The following FHOD3 variants were observed in gnomAD, a reference collection of about 807,000 sequenced individuals.
FHOD3 encodes the protein FH1/FH2 domain-containing protein 3.
A neutral mutation model predicts 173.0 loss-of-function variants in FHOD3; 90 were observed. That is an observed-to-expected ratio of 0.52 (90% CI 0.44 to 0.62). The LOEUF (loss-of-function observed/expected upper bound fraction) is 0.62. FHOD3 is among the 20% of genes least tolerant of loss of function. FHOD3 has a pLI of 0.00. For missense variants in FHOD3, 1,945 were observed against 2,034.7 expected (o/e 0.96, Z 0.85); for synonymous variants, 828 against 823.0 (o/e 1.01, Z -0.10).
chr18:36,346,236 C>A (rs1299673034), intron 1 of FHOD3, among the ~76,000 whole-genome samples: 1 of 152,108 alleles, frequency 6.6e-6, no homozygotes, highest in Non-Finnish European at 1.5e-5. Flanking sequence ...CGTGGTAACG[C>A]ACACCTGCAG....
chr18:36,358,761 C>T (rs887529264), intron 2 of FHOD3, among the ~76,000 whole-genome samples: 1 of 152,088 alleles, frequency 6.6e-6, no homozygotes, highest in Non-Finnish European at 1.5e-5. Flanking sequence ...CTATAGCCTC[C>T]ATCTCTCAGG....
chr18:36,461,581 C>T (rs1427476685), intron 3 of FHOD3, among the ~76,000 whole-genome samples: 3 of 152,040 alleles, frequency 2.0e-5, no homozygotes, highest in African/African-American at 7.2e-5. Flanking sequence ...CTTCAAGAAT[C>T]TCAGAGGGTT....
At chr18:36,482,854 C>CAGAGAAAG (rs1405818047) in intron 3 of FHOD3, among the ~76,000 whole-genome samples, 1 of 97,910 alleles carries the variant, frequency 1.0e-5, no homozygotes, top group African/African-American at 4.1e-5. Context: ...CACTCACACA[C>CAGAGAAAG]ACACAGAGAG....
At chr18:36,304,270 G>T (rs1385362339) in intron 1 of FHOD3, among the ~76,000 whole-genome samples, 3 of 152,138 alleles carry the variant, frequency 2.0e-5, no homozygotes, top group African/African-American at 7.2e-5. Context: ...GAAATTATAT[G>T]ATGTCTAGAA....
intron 5 of FHOD3, among the ~76,000 whole-genome samples, chr18:36,556,879 C>T (rs1039287707): frequency 6.6e-6 from 1 of 152,082 alleles, no homozygotes; most frequent in Non-Finnish European, 1.5e-5. Flanking sequence ...AATTATTTTA[C>T]CTTTGTGTAT....
intron 18 of FHOD3, chr18:36,710,481 G>A (rs1366470245): frequency 1.3e-5 from 2 of 152,176 alleles, no homozygotes; most frequent in African/African-American, 2.4e-5. Flanking sequence ...ATGGATGAAC[G>A]AATGAATGAA....
At chr18:36,736,189 C>T (rs1409110147) in intron 20 of FHOD3, among the ~76,000 whole-genome samples, 1 of 152,236 alleles carries the variant, frequency 6.6e-6, no homozygotes, top group Non-Finnish European at 1.5e-5. Context: ...AGGAGCAAAA[C>T]TCCGTGTGGG....
chr18:36,716,914 ATGTGTGTGTG>A (rs57041859), intron 18 of FHOD3, among the ~76,000 whole-genome samples: 2,450 of 136,906 alleles, frequency 0.018, 62 homozygotes, highest in African/African-American at 0.062. Flanking sequence ...ATATATGTGT[ATGTGTGTGTG>A]TGTGTGTGTG....
At chr18:36,352,359 A>T (rs563649594) in intron 1 of FHOD3, among the ~76,000 whole-genome samples, 1 of 152,360 alleles carries the variant, frequency 6.6e-6, no homozygotes, top group East Asian at 1.9e-4. Flanking sequence ...AGACATTCAC[A>T]GTGTGTCACT....
chr18:36,364,398 G>A (rs1311134923), intron 2 of FHOD3, among the ~76,000 whole-genome samples: 1 of 152,132 alleles, frequency 6.6e-6, no homozygotes, highest in East Asian at 1.9e-4. Context: ...CGAAGGGAGT[G>A]CACGCCCATT....
At chr18:36,743,414 G>A (rs2042005249) in intron 22 of FHOD3, among the ~76,000 whole-genome samples, 1 of 149,528 alleles carries the variant, frequency 6.7e-6, no homozygotes, top group African/African-American at 2.4e-5. Flanking sequence ...GATTCTTTAT[G>A]AAGTGTAACT....
chr18:36,634,427 A>G (rs2034732690), intron 10 of FHOD3, among the ~76,000 whole-genome samples: 2 of 152,200 alleles, frequency 1.3e-5, no homozygotes, highest in Non-Finnish European at 2.9e-5. Context: ...CTTGTCCACA[A>G]AACTTCATTG....
intron 3 of FHOD3, among the ~76,000 whole-genome samples, chr18:36,419,497 CAT>C (rs1440671979): frequency 6.6e-6 from 1 of 152,158 alleles, no homozygotes; most frequent in African/African-American, 2.4e-5. Flanking sequence ...ATGCTTCACA[CAT>C]GTTTTCATGA....
chr18:36,439,225 A>T (rs1359602247), intron 3 of FHOD3, among the ~76,000 whole-genome samples: 5 of 152,076 alleles, frequency 3.3e-5, no homozygotes, highest in African/African-American at 1.2e-4. Context: ...TCTATCCCCA[A>T]CCCTATGGTT....
intron 3 of FHOD3, among the ~76,000 whole-genome samples, chr18:36,448,647 A>AATGGGG (rs1462587668): frequency 1.3e-5 from 2 of 152,028 alleles, no homozygotes; most frequent in African/African-American, 4.8e-5. Flanking sequence ...TGGGGCCCAG[A>AATGGGG]ATGGGGGACA....
intron 3 of FHOD3, among the ~76,000 whole-genome samples, chr18:36,423,746 T>TAA (rs1275395342): frequency 6.6e-6 from 1 of 152,208 alleles, no homozygotes; most frequent in Non-Finnish European, 1.5e-5. Context: ...ATGCAACTGA[T>TAA]ACGTGGGTTT....
chr18:36,301,805 T>C (rs534603993), intron 1 of FHOD3, among the ~76,000 whole-genome samples: 1 of 152,376 alleles, frequency 6.6e-6, no homozygotes, highest in East Asian at 1.9e-4. Flanking sequence ...ACTGGAACTG[T>C]AGAATATTTT....
intron 16 of FHOD3, among the ~76,000 whole-genome samples, chr18:36,690,602 C>T (rs879673355): frequency 3.9e-5 from 6 of 152,152 alleles, no homozygotes; most frequent in Non-Finnish European, 8.8e-5. Flanking sequence ...ACCGTAAATG[C>T]CTGTGGCATG....
intron 3 of FHOD3, among the ~76,000 whole-genome samples, chr18:36,405,687 C>T (rs1427279485): frequency 6.6e-6 from 1 of 152,154 alleles, no homozygotes; most frequent in Non-Finnish European, 1.5e-5. Flanking sequence ...ATTTATGCTT[C>T]GTAAGTTTCC....
Sources: allele counts gnomAD v4.1 joint callset (sites outside exome capture counted in the v4.1 genomes callset), GRCh38; gene constraint gnomAD v4.1.1; transcripts MANE v1.5; gene names NCBI Gene and HGNC (gene_info 2026-07-23, HGNC 2026-07-21).